Variants in NFATC1 observed in about 807,000 individuals in gnomAD.
NFATC1 encodes nuclear factor of activated T-cells, cytoplasmic 1.
A neutral mutation model predicts 76.0 loss-of-function variants in NFATC1; 22 were observed. That is an observed-to-expected ratio of 0.29 (90% CI 0.21 to 0.41). The LOEUF is 0.41. NFATC1 is among the 10% of genes least tolerant of loss of function. The probability of loss-of-function intolerance (pLI) is 1.00; values close to 1 mark genes in which losing one functional copy is unlikely to be tolerated. For synonymous variants in NFATC1, 704 were observed against 613.1 expected (o/e 1.15, Z -2.19); for missense variants, 1,357 against 1,337.7 (o/e 1.01, Z -0.23).
At position 79,479,179 on chromosome 18, in the gene NFATC1, C is replaced by T. The variant is rs1172605307; in HGVS notation, c.2093-7069C>T. 4.6e-5 allele frequency among the ~76,000 whole-genome samples: 7 copies of T among 152,260 alleles called. No individual in the cohort carries two copies. The South Asian group carries it at 6.2e-4, about 13-fold the overall frequency. On this transcript the variant is annotated intron_variant, in intron 8 of 9. Coordinates refer to ENST00000427363, the MANE Select transcript of NFATC1 (RefSeq NM_001278669.2). ...CAGGTGATTGGTGTTTCTGTTGCAC[C>T]GTTGCTTAGCCTGAAAATGAGCTGC... is the stretch of plus-strand genomic sequence containing the variant.
At chr18:79,438,711 G>A (rs1430297236) in intron 3 of NFATC1, among the ~76,000 whole-genome samples, 2 of 152,296 alleles carry the variant, frequency 1.3e-5, no homozygotes, top group African/African-American at 2.4e-5. Flanking sequence ...TCAGCCGCGC[G>A]GGTGAGAGGG....
intron 7 of NFATC1, among the ~76,000 whole-genome samples, chr18:79,464,337 C>T (rs1463971344): frequency 6.0e-5 from 9 of 149,302 alleles, no homozygotes; most frequent in Admixed American, 2.0e-4. Flanking sequence ...TCAGGTGATC[C>T]GCCCACCGTG....
At chr18:79,438,188 C>T (rs114751778) in intron 3 of NFATC1, among the ~76,000 whole-genome samples, 2,061 of 152,332 alleles carry the variant, frequency 0.014, 49 homozygotes, top group African/African-American at 0.047. Context: ...CTCTCTGTTT[C>T]TGGTTGTGCC....
At chr18:79,419,724 G>A (rs567659089) in intron 2 of NFATC1, among the ~76,000 whole-genome samples, 71 of 152,346 alleles carry the variant, frequency 4.7e-4, no homozygotes, top group African/African-American at 1.7e-3. Flanking sequence ...GGTGACCACA[G>A]ACAAAACAGG....
intron 9 of NFATC1, among the ~76,000 whole-genome samples, chr18:79,490,378 C>T (rs2089643495): frequency 6.8e-6 from 1 of 147,214 alleles, no homozygotes; most frequent in Admixed American, 6.7e-5. Context: ...GGCCCAGGCT[C>T]TGGGTCAGGA....
At position 79,414,335 on chromosome 18, in the gene NFATC1, C is replaced by T. The variant is rs547009524; in HGVS notation, c.1226+2834C>T. 2.0e-5 allele frequency among the ~76,000 whole-genome samples: 3 copies of T among 152,300 alleles called. No homozygotes were observed. In the East Asian group the frequency reaches 5.8e-4, roughly 29 times the overall value. ...CACGACATGCCCATCTTCTCCCCAC[C>T]GTGGTACAGAACTGCTGCTCCATTA... is the stretch of plus-strand genomic sequence containing the variant. On this transcript the variant is annotated intron_variant, in intron 2 of 9. Transcript: ENST00000427363.
At chr18:79,481,595 C>G (rs2089273120) in intron 8 of NFATC1, among the ~76,000 whole-genome samples, 1 of 152,240 alleles carries the variant, frequency 6.6e-6, no homozygotes, top group Non-Finnish European at 1.5e-5. Context: ...GAGTCCTCCT[C>G]CCAGGAACCG....
chr18:79,420,667 AG>A (rs1190900397), intron 2 of NFATC1, among the ~76,000 whole-genome samples: 1 of 149,930 alleles, frequency 6.7e-6, no homozygotes, highest in African/African-American at 2.5e-5. Flanking sequence ...AGAGAGGAAG[AG>A]GGGGTCGCAT....
At chr18:79,419,617 G>A (rs774507816) in intron 2 of NFATC1, among the ~76,000 whole-genome samples, 1 of 152,178 alleles carries the variant, frequency 6.6e-6, no homozygotes, top group Non-Finnish European at 1.5e-5. Context: ...GCGTGAGGGC[G>A]GCAGGGAGCT....
chr18:79,528,478 G>A lies in NFATC1; in HGVS notation c.*901G>A, dbSNP rs561691816. 2.6e-5 allele frequency: 4 copies of A among 152,360 alleles called. No homozygotes were observed. Among genetic ancestry groups the A allele is most frequent in the South Asian group, 4.1e-4 (2 of 4,830 alleles). The allele number at this position is 152,360 out of a possible 1,614,324, so 9.4% of individuals were successfully genotyped here. ...AACCGGCATCCGTTTTGGAACCTGC[G>A]TCTGGGGCTCCAGTCGCTGCTCTTG... On this transcript the variant is annotated 3_prime_UTR_variant, in exon 10 of 10. Coordinates refer to ENST00000427363, the MANE Select transcript of NFATC1 (RefSeq NM_001278669.2).
intron 1 of NFATC1, among the ~76,000 whole-genome samples, chr18:79,403,376 G>A (rs1170464708): frequency 4.6e-5 from 7 of 152,260 alleles, no homozygotes; most frequent in Non-Finnish European, 1.0e-4. Context: ...TGGGAGTGGC[G>A]TTTGGGCTTC....
chr18:79,431,489 G>C (rs182429783), intron 2 of NFATC1, among the ~76,000 whole-genome samples: 1 of 151,898 alleles, frequency 6.6e-6, no homozygotes, highest in African/African-American at 2.4e-5. Flanking sequence ...GTGTGGCTGG[G>C]ATCCTCCCCA....
chr18:79,520,492 G>A (rs1176754907), intron 9 of NFATC1, among the ~76,000 whole-genome samples: 2 of 151,680 alleles, frequency 1.3e-5, no homozygotes, highest in African/African-American at 2.4e-5. Context: ...AGAAATGACT[G>A]AAAAATAAGT....
At chr18:79,419,448 C>T (rs1397399743) in intron 2 of NFATC1, among the ~76,000 whole-genome samples, 3 of 144,502 alleles carry the variant, frequency 2.1e-5, no homozygotes, top group Non-Finnish European at 4.6e-5. Context: ...CGGGAGCCCC[C>T]CTAGGAGGGC....
At chr18:79,426,015 C>G (rs954600001) in intron 2 of NFATC1, among the ~76,000 whole-genome samples, 2 of 152,104 alleles carry the variant, frequency 1.3e-5, no homozygotes, top group African/African-American at 4.8e-5. Flanking sequence ...AGTTTGAGAC[C>G]GCCCTGGGCA....
chr18:79,411,517 G>A lies in NFATC1; in HGVS notation c.1226+16G>A, dbSNP rs766116077. 23 of 1,441,852 alleles carry A rather than the reference G, an allele frequency of 1.6e-5. No homozygotes were observed. The highest frequency in any genetic ancestry group is 8.0e-5 in the South Asian group (5 of 62,484). 89.3% of individuals were successfully genotyped at this position (1,441,852 alleles called of 1,614,324 possible). A position where few individuals can be genotyped will look rare whatever the true frequency, so the allele number is the denominator to read the frequency against. ...CCTACATGAGGTGAGCCGGCAGCGCGGGGCGGGACGGGGAGGCGAGGGGAG... is the reference window on the plus strand; with the variant it reads ...CCTACATGAGGTGAGCCGGCAGCGCAGGGCGGGACGGGGAGGCGAGGGGAG... On this transcript the variant is annotated intron_variant, in intron 2 of 9. Transcript: ENST00000427363.
intron 2 of NFATC1, among the ~76,000 whole-genome samples, chr18:79,423,704 C>A (rs1490107503): frequency 6.6e-6 from 1 of 152,194 alleles, no homozygotes; most frequent in African/African-American, 2.4e-5. Context: ...TGGGTGTCCC[C>A]ATCTTTCTGT....
At position 79,527,574 on chromosome 18, in the gene NFATC1, C is replaced by T; in HGVS notation, c.2829C>T (p.Ser943=). The change falls in exon 10 of 10, where the codon TCC becomes TCT. Residue 943 remains serine (S), a synonymous_variant. Transcript: ENST00000427363. ...ACCTCTCCAGCACGAGCACCCACTC[C>T]TAGTTGCCACATTGGAGCACTCAGT... ...RNDLSSTSTH[S] is the part of the protein sequence containing the mutation. The T allele has an allele frequency of 6.2e-7, 1 of 1,613,954 alleles. No individual in the cohort carries two copies. The highest frequency in any genetic ancestry group is 8.5e-7 in the Non-Finnish European group (1 of 1,179,882).
chr18:79,447,647 G>A (rs1433095411), intron 3 of NFATC1, among the ~76,000 whole-genome samples: 2 of 152,208 alleles, frequency 1.3e-5, no homozygotes, highest in African/African-American at 4.8e-5. Context: ...TGAACGAGGG[G>A]CCCTGTGGGA....
Sources: gnomAD v4.1 joint callset for allele counts (sites outside exome capture counted in the v4.1 genomes callset) on GRCh38, gnomAD v4.1.1 for gene constraint, MANE v1.5 for transcripts, NCBI Gene and HGNC (gene_info 2026-07-23, HGNC 2026-07-21) for gene names.